The following ADCY2 variants were observed in gnomAD, a reference collection of about 807,000 sequenced individuals.
ADCY2 encodes the protein adenylate cyclase type 2.
ADCY2 carries 31 observed loss-of-function variants against 125.2 expected under a neutral mutation model. That is an observed-to-expected ratio of 0.25 (90% CI 0.19 to 0.33). The LOEUF is 0.33. Ranked by LOEUF, ADCY2 falls within the 10% of genes least tolerant of loss-of-function variation. The pLI is 1.00. For synonymous variants in ADCY2, 512 were observed against 548.4 expected, an observed-to-expected ratio of 0.93 and a Z score of 0.93; for missense variants, 904 against 1,418.2, an observed-to-expected ratio of 0.64 and a Z score of 5.82.
At chr5:7,820,391 G>T (rs1338397433) in intron 23 of ADCY2, among the ~76,000 whole-genome samples, 174 bp from the exon 24 acceptor site, 2 of 152,148 alleles carry the variant, frequency 1.3e-5, no homozygotes, top group East Asian at 3.9e-4. Flanking sequence ...CTACTTGGGA[G>T]GCTGAGGTGG....
chr5:7,501,646 T>TCCCCCCCCCCCA (rs1743585655), intron 2 of ADCY2, among the ~76,000 whole-genome samples: 1 of 40,526 alleles, frequency 2.5e-5, no homozygotes, highest in African/African-American at 9.9e-5. Context: ...GATTCCCCCC[T>TCCCCCCCCCCCA]CCCCCCCCCC....
At chr5:7,766,557 AT>A in intron 16 of ADCY2, 129 bp from the exon 17 acceptor site, 1 of 860,122 alleles carries the variant, frequency 1.2e-6, no homozygotes, top group Non-Finnish European at 1.8e-6. Context: ...TTCAATAGAA[AT>A]TCCCGAGTCC....
At chr5:7,719,176 A>G (rs1159701047) in intron 12 of ADCY2, among the ~76,000 whole-genome samples, 1 of 152,100 alleles carries the variant, frequency 6.6e-6, no homozygotes, top group African/African-American at 2.4e-5. Context: ...TTGCTTTTAA[A>G]TTATGTGTTT....
chr5:7,458,390 G>A (rs889744740), intron 2 of ADCY2, among the ~76,000 whole-genome samples: 6 of 152,246 alleles, frequency 3.9e-5, no homozygotes, highest in African/African-American at 1.4e-4. Flanking sequence ...TTAACTTGCA[G>A]TTATTTAGTT....
At chr5:7,653,562 G>A (rs775458573) in intron 4 of ADCY2, among the ~76,000 whole-genome samples, 13 of 151,694 alleles carry the variant, frequency 8.6e-5, no homozygotes, top group African/African-American at 1.2e-4. Flanking sequence ...GAGTGAGATC[G>A]TGCCACTGCA....
intron 4 of ADCY2, among the ~76,000 whole-genome samples, chr5:7,654,461 G>A (rs1739249477): frequency 6.6e-6 from 1 of 152,142 alleles, no homozygotes; most frequent in South Asian, 2.1e-4. Context: ...CTGTTGGAGC[G>A]ACATCCTTGA....
chr5:7,517,325 C>T (rs1277931586), intron 2 of ADCY2, among the ~76,000 whole-genome samples: 1 of 152,200 alleles, frequency 6.6e-6, no homozygotes, highest in Non-Finnish European at 1.5e-5. Flanking sequence ...GGAATGTCCC[C>T]ATGGTAACAT....
intron 4 of ADCY2, among the ~76,000 whole-genome samples, chr5:7,649,539 A>G (rs139929250): frequency 6.6e-6 from 1 of 152,376 alleles, no homozygotes; most frequent in African/African-American, 2.4e-5. Flanking sequence ...CACAGCATGC[A>G]GTGCTTCAGA....
chr5:7,786,145 C>T (rs748104272), intron 19 of ADCY2, among the ~76,000 whole-genome samples: 1 of 152,150 alleles, frequency 6.6e-6, no homozygotes, highest in Non-Finnish European at 1.5e-5. Flanking sequence ...CATTCTTTAA[C>T]ACCAGCTATA....
intron 4 of ADCY2, among the ~76,000 whole-genome samples, chr5:7,626,707 T>G (rs1738138990): frequency 1.3e-5 from 2 of 151,870 alleles, no homozygotes; most frequent in Non-Finnish European, 1.5e-5. Context: ...AACAACCAAC[T>G]CTCATGGGAA....
At chr5:7,800,481 G>C (rs1215121871) in intron 20 of ADCY2, 1 of 152,186 alleles carries the variant, frequency 6.6e-6, no homozygotes, top group Non-Finnish European at 1.5e-5. Context: ...GGCCAACATG[G>C]TGAAACCCTG....
At chr5:7,669,784 G>T (rs759218540) in intron 4 of ADCY2, among the ~76,000 whole-genome samples, 2 of 152,170 alleles carry the variant, frequency 1.3e-5, no homozygotes, top group Admixed American at 1.3e-4. Context: ...GGGAACCACT[G>T]AAGAGTTTAA....
At chr5:7,561,086 T>A (rs1195411574) in intron 3 of ADCY2, among the ~76,000 whole-genome samples, 1 of 152,250 alleles carries the variant, frequency 6.6e-6, no homozygotes, top group Admixed American at 6.5e-5. Flanking sequence ...AAGGTTACGA[T>A]TATGATTAAG....
chr5:7,510,789 C>T (rs1744024799), intron 2 of ADCY2, among the ~76,000 whole-genome samples: 1 of 152,164 alleles, frequency 6.6e-6, no homozygotes, highest in African/African-American at 2.4e-5. Flanking sequence ...ATTTAATTTT[C>T]ATTACTTGTT....
At chr5:7,455,776 T>C (rs1741647753) in intron 2 of ADCY2, among the ~76,000 whole-genome samples, 1 of 145,338 alleles carries the variant, frequency 6.9e-6, no homozygotes, top group South Asian at 2.1e-4. Context: ...ATATATACTA[T>C]ATATTATATA....
intron 15 of ADCY2, among the ~76,000 whole-genome samples, chr5:7,756,458 A>G (rs1475743710): frequency 6.6e-6 from 1 of 152,260 alleles, no homozygotes; most frequent in Non-Finnish European, 1.5e-5. Flanking sequence ...GAATGGATAA[A>G]AAAAAGTATA....
At chr5:7,461,827 A>G (rs1214012036) in intron 2 of ADCY2, among the ~76,000 whole-genome samples, 1 of 152,242 alleles carries the variant, frequency 6.6e-6, no homozygotes, top group Non-Finnish European at 1.5e-5. Context: ...CTGAACTCAC[A>G]TTTGAAATAT....
intron 2 of ADCY2, among the ~76,000 whole-genome samples, chr5:7,508,770 G>A (rs908994114): frequency 3.9e-5 from 6 of 152,156 alleles, no homozygotes; most frequent in Non-Finnish European, 5.9e-5. Context: ...TTCTACATTA[G>A]GAAACCGAGG....
At chr5:7,663,237 A>T (rs1346092702) in intron 4 of ADCY2, among the ~76,000 whole-genome samples, 3 of 152,258 alleles carry the variant, frequency 2.0e-5, no homozygotes, top group African/African-American at 7.2e-5. Flanking sequence ...ACACCAAAAA[A>T]AAGGAAGAAA....
Sources: gnomAD v4.1 joint callset for allele counts (sites outside exome capture counted in the v4.1 genomes callset) on GRCh38, gnomAD v4.1.1 for gene constraint, MANE v1.5 for transcripts, NCBI Gene and HGNC (gene_info 2026-07-23, HGNC 2026-07-21) for gene names.